Variants in KDM5C observed in about 807,000 individuals in gnomAD.
KDM5C encodes the protein lysine demethylase 5C.
Under a neutral mutation model 110.6 loss-of-function variants are expected in KDM5C, and 16 were observed. The ratio of observed to expected loss-of-function variants is 0.14; its 90% CI spans 0.10 to 0.22. The LOEUF is 0.22. Ranked by LOEUF, KDM5C falls within the 10% of genes least tolerant of loss-of-function variation. The pLI is 1.00. For missense variants in KDM5C, 681 were observed against 1,300.9 expected, an observed-to-expected ratio of 0.52 and a Z score of 7.33; for synonymous variants, 511 against 520.4, an observed-to-expected ratio of 0.98 and a Z score of 0.24.
chrX:53,202,900 G>C (rs2073190123), intron 12 of KDM5C: 1 of 108,879 alleles, frequency 9.2e-6, no homozygotes, highest in Admixed American at 9.7e-5. Context: ...TCACTGCAAG[G>C]TCCGCCTCCC....
At position 53,198,833 on chromosome X, in the gene KDM5C, C is replaced by A; in HGVS notation, c.2299G>T (p.Ala767Ser). The change falls in exon 16 of 26, where the codon GCT becomes TCT. Residue 767 changes from alanine to serine, a missense_variant. This residue lies in a region of KDM5C where 123 missense variants were observed against 169.0 expected (regional missense o/e 0.73). Coordinates refer to ENST00000375401, the MANE Select transcript of KDM5C (RefSeq NM_004187.5). Reference sequence around the variant, plus strand: ...TTGGCCCAGGTGTCAAAGGACTCAGCCCGAACCTTCAGCTTATGCAGCATG... The same window carrying A: ...TTGGCCCAGGTGTCAAAGGACTCAGACCGAACCTTCAGCTTATGCAGCATG... ...PAMLHKLKVR[A>S]ESFDTWANKV... The A allele has an allele frequency of 1.7e-6, 2 of 1,212,117 alleles. No individual in the cohort carries two copies. Among genetic ancestry groups the A allele is most frequent in the Non-Finnish European group, 2.2e-6 (2 of 895,548 alleles).
At chrX:53,212,126 G>A in intron 8 of KDM5C, among the ~76,000 whole-genome samples, 1 of 111,407 alleles carries the variant, frequency 9.0e-6, no homozygotes. Context: ...CCTCCCTACT[G>A]AAATGTCCTT....
intron 25 of KDM5C, among the ~76,000 whole-genome samples, chrX:53,180,551 A>C (rs1305129758): frequency 1.8e-5 from 2 of 109,062 alleles, no homozygotes; most frequent in Non-Finnish European, 3.8e-5. Flanking sequence ...CTTTCCACTC[A>C]ATTTTGCTGT....
Position 53,196,829 on chromosome X carries a change from G to A in KDM5C, c.2838C>T (p.Thr946=), listed in dbSNP as rs782619362. ...RTLAPSARRG[T]LAVMRGLLVA... is the part of the protein sequence containing the mutation. ...CCAACAGTCCTCGCATGACAGCCAA[G>A]GTGCCCCTTCGGGCTGAGGGGGCCA... is the stretch of plus-strand genomic sequence containing the variant. Residue 946 remains threonine (T), a synonymous_variant, in exon 19 of 26, where the codon ACC becomes ACT. Coordinates refer to ENST00000375401, the MANE Select transcript of KDM5C (RefSeq NM_004187.5). 1.1e-5 allele frequency: 13 copies of A among 1,210,914 alleles called. No individual in the cohort carries two copies. Among genetic ancestry groups the A allele is most frequent in the Non-Finnish European group, 1.2e-5 (11 of 894,700 alleles).
intron 8 of KDM5C, among the ~76,000 whole-genome samples, chrX:53,212,953 A>T: frequency 9.0e-6 from 1 of 111,263 alleles, no homozygotes; most frequent in Non-Finnish European, 1.9e-5. Flanking sequence ...GTGAGCAGAG[A>T]TGGCATCACT....
At chrX:53,182,189 A>G (rs1443569432) in intron 25 of KDM5C, among the ~76,000 whole-genome samples, 5 of 108,732 alleles carry the variant, frequency 4.6e-5, no homozygotes, top group Non-Finnish European at 9.5e-5. Flanking sequence ...ATTTCAAGTG[A>G]TTCTCCTGCC....
intron 18 of KDM5C, chrX:53,197,536 G>A (rs2072993008): frequency 2.5e-6 from 1 of 403,690 alleles, no homozygotes; most frequent in Non-Finnish European, 4.4e-6. Flanking sequence ...CCTCCTCCAG[G>A]AAACCTTACC....
At chrX:53,178,025 A>G (rs981163531) in intron 25 of KDM5C, among the ~76,000 whole-genome samples, 5 of 110,846 alleles carry the variant, frequency 4.5e-5, no homozygotes, top group Admixed American at 9.7e-5. Context: ...TGCTCAGCCA[A>G]TATTTTATTT....
intron 12 of KDM5C, among the ~76,000 whole-genome samples, chrX:53,207,809 C>T (rs1035602603): frequency 3.7e-5 from 4 of 108,669 alleles, no homozygotes; most frequent in East Asian, 5.8e-4. Context: ...ATTAGCTGGG[C>T]GTGGTGGCGG....
chrX:53,223,203 C>T (rs2073942616), intron 1 of KDM5C, among the ~76,000 whole-genome samples: 1 of 111,681 alleles, frequency 9.0e-6, no homozygotes, highest in Admixed American at 9.5e-5. Flanking sequence ...CAGGCCTCAA[C>T]TACCCCCTAC....
Position 53,215,902 on chromosome X carries a change from T to A in KDM5C, c.856A>T (p.Thr286Ser). The change falls in exon 7 of 26, where the codon ACA (threonine) becomes TCA (serine). Residue 286 changes from threonine (T) to serine (S), a missense_variant. Physicochemically the swap from Thr to Ser is moderately conservative, Grantham distance 58 (BLOSUM62 1). Around this residue, in one of 14 missense-constraint regions of KDM5C, gnomAD observed 71 missense variants for 115.0 expected, o/e 0.62. Coordinates refer to ENST00000375401, the MANE Select transcript of KDM5C (RefSeq NM_004187.5). Reference protein sequence around the residue: ...ELGGDVKVESTSPKTFLESKE... With the variant: ...ELGGDVKVESSSPKTFLESKE... ...CTCTCCAGGAAGGTCTTAGGCGATG[T>A]TGACTCCACCTTCACATCCCCACCT... The A allele has an allele frequency of 8.3e-7, 1 of 1,211,764 alleles. No homozygotes were observed. Among genetic ancestry groups the A allele is most frequent in the East Asian group, 3.0e-5 (1 of 33,836 alleles).
chrX:53,192,862 C>CCCCG lies in KDM5C; in HGVS notation c.*104_*105insCGGG. ...GGTGGGCGGGTAGCAGGGATGGCCA[C>CCCCG]CCCCCTACCCGCCCACCCCCCAAGA... On this transcript the variant is annotated 3_prime_UTR_variant, in exon 26 of 26. Transcript: ENST00000375401. 8.3e-6 allele frequency: 6 copies of CCCCG among 720,050 alleles called. No individual in the cohort carries two copies. The highest frequency in any genetic ancestry group is 1.1e-5 in the Non-Finnish European group (6 of 551,848). 59.3% of individuals were successfully genotyped at this position (720,050 alleles called of 1,213,427 possible).
intron 18 of KDM5C, 85 bp downstream of exon 18, chrX:53,197,686 A>C: frequency 2.6e-6 from 2 of 756,059 alleles, no homozygotes; most frequent in Non-Finnish European, 4.0e-6. Flanking sequence ...TGAACACTTT[A>C]AGCTTTTGAA....
intron 4 of KDM5C, among the ~76,000 whole-genome samples, 169 bp from the exon 5 acceptor site, chrX:53,217,446 G>A (rs1270764039): frequency 3.6e-5 from 4 of 111,050 alleles, no homozygotes; most frequent in Non-Finnish European, 7.5e-5. Flanking sequence ...ACACATTTTG[G>A]GAATTCTCAG....
In KDM5C at chrX:53,194,693, G is replaced by A. The variant is rs1556834871; in HGVS notation, c.3484C>T (p.Leu1162=). ...GCCGAATTGGTGCGACGCAGCTGCA[G>A]GATACCCTCCTTCTCCTTCTGTTCC... ...EGEQKEKEGI[L]QLRRTNSAKP... The change falls in exon 23 of 26, where the codon CTG becomes TTG. Residue 1162 remains leucine, a synonymous_variant. Coordinates refer to ENST00000375401, the MANE Select transcript of KDM5C (RefSeq NM_004187.5). The A allele has an allele frequency of 1.7e-6, 2 of 1,211,307 alleles. No individual in the cohort carries two copies. Among genetic ancestry groups the A allele is most frequent in the Non-Finnish European group, 2.2e-6 (2 of 895,266 alleles).
At chrX:53,197,697 AG>A in intron 18 of KDM5C, 73 bp downstream of exon 18, 1 of 849,632 alleles carries the variant, frequency 1.2e-6, no homozygotes, top group Non-Finnish European at 1.7e-6. Flanking sequence ...AGCTTTTGAA[AG>A]GAGCCAAGCA....
chrX:53,207,852 G>C (rs1428311429), intron 12 of KDM5C, among the ~76,000 whole-genome samples: 2 of 108,597 alleles, frequency 1.8e-5, no homozygotes, highest in Admixed American at 2.0e-4. Context: ...GGGAGGCTGA[G>C]GCCGGGTAAT....
chrX:53,182,775 T>C (rs782418706), intron 25 of KDM5C, among the ~76,000 whole-genome samples: 1 of 112,792 alleles, frequency 8.9e-6, no homozygotes, highest in Admixed American at 9.4e-5. Context: ...ACTGCAAATA[T>C]GTTATCTTAT....
In KDM5C at chrX:53,201,597, T is replaced by C. The variant is rs1556841762; in HGVS notation, c.2014A>G (p.Ile672Val). Residue 672 changes from isoleucine (I) to valine (V), a missense_variant, in exon 14 of 26, where the codon ATC (isoleucine) becomes GTC (valine). By Grantham distance (29) the Ile-to-Val change is conservative (BLOSUM62 3). Coordinates refer to ENST00000375401, the MANE Select transcript of KDM5C (RefSeq NM_004187.5). ...AGACGCCGCTCTTCTTGCACCATGA[T>C]GAACATCTCCTTATGCACAGCTGCC... ...LAAAVHKEMF[I>V]MVQEERRLRK... The C allele has an allele frequency of 8.2e-7, 1 of 1,212,222 alleles. No individual in the cohort carries two copies.
Sources: allele counts gnomAD v4.1 joint callset (sites outside exome capture counted in the v4.1 genomes callset), GRCh38; gene constraint gnomAD v4.1.1; regional missense constraint gnomAD v4.1.1; transcripts MANE v1.5; gene names NCBI Gene and HGNC (gene_info 2026-07-23, HGNC 2026-07-21).